LRTM1: variants seen among roughly 807,000 people sequenced by gnomAD.
LRTM1 encodes leucine-rich repeat and transmembrane domain-containing protein 1.
A neutral mutation model predicts 32.4 loss-of-function variants in LRTM1; 38 were observed. The ratio of observed to expected loss-of-function variants is 1.17; its 90% CI spans 0.91 to 1.54. The LOEUF is 1.54. Among genes scored for constraint, LRTM1 ranks in the 40% most tolerant of loss-of-function variants. LRTM1 has a pLI of 0.00. For synonymous variants in LRTM1, 186 were observed against 169.9 expected (o/e 1.09, Z -0.74); for missense variants, 466 against 415.4 (o/e 1.12, Z -1.06).
intron 1 of LRTM1, among the ~76,000 whole-genome samples, chr3:54,953,767 G>A (rs1396602317): frequency 2.6e-5 from 4 of 152,114 alleles, no homozygotes; most frequent in Non-Finnish European, 5.9e-5. Flanking sequence ...ACAGGCTGTG[G>A]GAATCACTGG....
At chr3:54,964,587 T>C (rs1340469133) in intron 1 of LRTM1, among the ~76,000 whole-genome samples, 1 of 152,160 alleles carries the variant, frequency 6.6e-6, no homozygotes, top group Non-Finnish European at 1.5e-5. Context: ...ATTTAGGTTA[T>C]GTGGGGGCTG....
Position 54,962,296 on chromosome 3 carries a change from T to C in LRTM1, c.-222+4632A>G, listed in dbSNP as rs73845235. ...ATTCTCTAAGAGCCTGCTTGGCTGA[T>C]AGCATGATTTTGTAATGCATTTGCT... On this transcript the variant is annotated intron_variant, in intron 1 of 2. Coordinates refer to the LRTM1 transcript ENST00000493075. 7.2e-3 allele frequency among the ~76,000 whole-genome samples: 1,093 copies of C among 152,298 alleles called. 22 individuals are homozygous for C. Among genetic ancestry groups the C allele is most frequent in the African/African-American group, 0.025 (1,033 of 41,554 alleles).
chr3:54,921,006 A>G lies in LRTM1; in HGVS notation c.605-2114T>C, dbSNP rs1421350354. ...CCAAATGCTCTGTGGTCTCCTGTGCAGGTGATCCTCAGCCGGGATGCAACT... is the reference window on the plus strand; with the variant it reads ...CCAAATGCTCTGTGGTCTCCTGTGCGGGTGATCCTCAGCCGGGATGCAACT... On this transcript the variant is annotated intron_variant, in intron 2 of 2. Coordinates refer to ENST00000273286, the MANE Select transcript of LRTM1 (RefSeq NM_020678.4). Among the ~76,000 whole-genome samples, 2 of 152,322 alleles carry G rather than the reference A, an allele frequency of 1.3e-5. 1 individual carries two copies. Among genetic ancestry groups the G allele is most frequent in the Middle Eastern group, 6.8e-3 (2 of 294 alleles).
At chr3:54,930,759 A>T (rs768140150), upstream of LRTM1, among the ~76,000 whole-genome samples, 3 of 152,226 alleles carry the variant, frequency 2.0e-5, no homozygotes, top group Non-Finnish European at 2.9e-5. Flanking sequence ...GGATCAAGTG[A>T]TACTTAAGTG....
At chr3:54,935,179 G>A (rs144077474) in intron 1 of LRTM1, among the ~76,000 whole-genome samples, 38 of 152,306 alleles carry the variant, frequency 2.5e-4, no homozygotes, top group African/African-American at 8.4e-4. Flanking sequence ...AGTCCTTGCT[G>A]GGGAACTTCA....
At chr3:54,956,334 C>T (rs916368573) in intron 1 of LRTM1, among the ~76,000 whole-genome samples, 15 of 152,158 alleles carry the variant, frequency 9.9e-5, no homozygotes, top group Admixed American at 4.6e-4. Flanking sequence ...TTGGAGATTC[C>T]GGGAAAAGAA....
intron 2 of LRTM1, among the ~76,000 whole-genome samples, chr3:54,920,954 A>G (rs1271319144): frequency 2.6e-5 from 4 of 152,208 alleles, no homozygotes; most frequent in Admixed American, 6.5e-5. Flanking sequence ...AGCCTGGGAC[A>G]TAGCTGGAAG....
chr3:54,955,672 A>G (rs911988290), intron 1 of LRTM1, among the ~76,000 whole-genome samples: 1 of 152,132 alleles, frequency 6.6e-6, no homozygotes, highest in Non-Finnish European at 1.5e-5. Flanking sequence ...AAATGTGTAA[A>G]TTGAGGGACA....
chr3:54,939,853 A>C (rs1001699336), intron 1 of LRTM1, among the ~76,000 whole-genome samples: 1 of 152,204 alleles, frequency 6.6e-6, no homozygotes, highest in African/African-American at 2.4e-5. Flanking sequence ...CCACATGAAC[A>C]AAAGCCGCTG....
chr3:54,958,060 G>A (rs920488927), intron 1 of LRTM1, among the ~76,000 whole-genome samples: 12 of 152,210 alleles, frequency 7.9e-5, no homozygotes, highest in African/African-American at 2.7e-4. Flanking sequence ...ACAAGTGCCT[G>A]CCTGTGCTGG....
intron 1 of LRTM1, among the ~76,000 whole-genome samples, chr3:54,927,464 T>C (rs745901035): frequency 3.3e-5 from 5 of 152,202 alleles, no homozygotes; most frequent in Non-Finnish European, 5.9e-5. Context: ...CATTTTTAGC[T>C]GTGGGGCTCA....
At chr3:54,931,906 C>T (rs1287827013), upstream of LRTM1, among the ~76,000 whole-genome samples, 2 of 152,296 alleles carry the variant, frequency 1.3e-5, no homozygotes, top group Middle Eastern at 3.4e-3. Context: ...AAAGGCCAGG[C>T]TCAGTGGTTC....
intron 1 of LRTM1, among the ~76,000 whole-genome samples, chr3:54,946,494 A>T (rs142269734): frequency 6.6e-6 from 1 of 152,180 alleles, no homozygotes; most frequent in Non-Finnish European, 1.5e-5. Context: ...AGGAGGGGGG[A>T]TGTGAGGGCC....
chr3:54,955,793 G>T (rs1701874020), intron 1 of LRTM1, among the ~76,000 whole-genome samples: 1 of 152,130 alleles, frequency 6.6e-6, no homozygotes, highest in East Asian at 1.9e-4. Flanking sequence ...AATCAGATGG[G>T]AAAGTGCCAG....
intron 1 of LRTM1, among the ~76,000 whole-genome samples, chr3:54,936,338 A>T (rs1403339105): frequency 6.6e-6 from 1 of 152,310 alleles, no homozygotes; most frequent in East Asian, 1.9e-4. Context: ...AGAGCTCCCC[A>T]TCTTTTCGTA....
At chr3:54,922,284 C>T (rs1005744581) in intron 2 of LRTM1, among the ~76,000 whole-genome samples, 3 of 151,688 alleles carry the variant, frequency 2.0e-5, no homozygotes, top group Non-Finnish European at 4.4e-5. Context: ...CATTTCATCC[C>T]ATCCCAGGTT....
upstream of LRTM1, among the ~76,000 whole-genome samples, chr3:54,928,701 C>T (rs1472806790): frequency 6.6e-6 from 1 of 151,758 alleles, no homozygotes; most frequent in Non-Finnish European, 1.5e-5. Context: ...GCTGCCCCCA[C>T]ACCCCACCCA....
intron 1 of LRTM1, among the ~76,000 whole-genome samples, chr3:54,957,600 T>C (rs1161008328): frequency 1.3e-5 from 2 of 152,076 alleles, no homozygotes. Context: ...GTCTGGTGTG[T>C]GTGTTAGGGA....
intron 1 of LRTM1, among the ~76,000 whole-genome samples, chr3:54,950,287 T>C (rs906438373): frequency 6.6e-6 from 1 of 152,170 alleles, no homozygotes; most frequent in Non-Finnish European, 1.5e-5. Context: ...TGAACGTAGA[T>C]GTTATTTTAG....
Sources: gnomAD v4.1 joint callset for allele counts (sites outside exome capture counted in the v4.1 genomes callset) on GRCh38, gnomAD v4.1.1 for gene constraint, MANE v1.5 for transcripts, NCBI Gene and HGNC (gene_info 2026-07-23, HGNC 2026-07-21) for gene names.